MCM10: variants seen among roughly 807,000 people sequenced by gnomAD.
The protein encoded by MCM10 is minichromosome maintenance 10 replication initiation factor.
In MCM10, 91 loss-of-function variants were observed where a neutral mutation model predicts 109.9. The observed-to-expected ratio is 0.83, with a 90% CI of 0.70 to 0.99. MCM10 has a LOEUF of 0.99. Ranked by LOEUF, MCM10 falls within the 50% of genes least tolerant of loss-of-function variation. The pLI, the probability that MCM10 is intolerant of heterozygous loss-of-function variation, is 0.00. For synonymous variants in MCM10, 380 were observed against 387.2 expected, an observed-to-expected ratio of 0.98 and a Z score of 0.22; for missense variants, 1,077 against 1,061.2, an observed-to-expected ratio of 1.01 and a Z score of -0.21.
Position 13,192,296 on chromosome 10 carries a change from G to A in MCM10, c.1558G>A (p.Glu520Lys), listed in dbSNP as rs753755291. 1.2e-6 allele frequency: 2 copies of A among 1,614,140 alleles called. No homozygotes were observed. Among genetic ancestry groups the A allele is most frequent in the South Asian group, 2.2e-5 (2 of 91,076 alleles). ...CCTGTCTTGCTCTGAGGAGTTCAAGGAACTGATGGACCTGCCGACGTGTGG... is the reference window on the plus strand; with the variant it reads ...CCTGTCTTGCTCTGAGGAGTTCAAGAAACTGATGGACCTGCCGACGTGTGG... Reference protein sequence around the residue: ...KSLSCSEEFKELMDLPTCGAR... With the variant: ...KSLSCSEEFKKLMDLPTCGAR... Residue 520 changes from glutamate to lysine, a missense_variant, in exon 12 of 20, where the codon GAA becomes AAA. Physicochemically the swap from Glu to Lys is moderately conservative, Grantham distance 56. Coordinates refer to ENST00000378714, the MANE Select transcript of MCM10 (RefSeq NM_018518.5).
At chr10:13,171,975 A>G (rs1834080016) in intron 3 of MCM10, among the ~76,000 whole-genome samples, 1 of 151,660 alleles carries the variant, frequency 6.6e-6, no homozygotes, top group South Asian at 2.1e-4. Flanking sequence ...GGATCTCCCT[A>G]TGTTGCCCAT....
At chr10:13,203,821 C>T (rs757627835) in intron 17 of MCM10, among the ~76,000 whole-genome samples, 5 of 152,078 alleles carry the variant, frequency 3.3e-5, no homozygotes, top group Non-Finnish European at 7.4e-5. Context: ...GCTGATCAGT[C>T]TAAATAGATC....
At chr10:13,186,383 C>A in intron 9 of MCM10, 103 bp downstream of exon 9, 1 of 720,304 alleles carries the variant, frequency 1.4e-6, no homozygotes. Context: ...ACTGAGTTTC[C>A]CACTTAAAGG....
chr10:13,204,998 GTATGTATATATATATATATATATATATA>G lies in MCM10; in HGVS notation c.2498+638_2498+665del, dbSNP rs1219051865. 2.6e-3 allele frequency among the ~76,000 whole-genome samples: 50 copies of G among 19,556 alleles called. 5 individuals are homozygous for G. Among genetic ancestry groups the G allele is most frequent in the East Asian group, 8.8e-3 (2 of 226 alleles). 12.8% of individuals were successfully genotyped at this position (19,556 alleles called of 152,430 possible). On this transcript the variant is annotated intron_variant, in intron 18 of 19. Coordinates refer to ENST00000378714, the MANE Select transcript of MCM10 (RefSeq NM_018518.5). ...TTGTGCTTCTCATGTATGTATGTAT[GTATGTATATATATATATATATATATATA>G]TATATATATATATATATATATATAT...
In MCM10 at chr10:13,188,792, C is replaced by T. The variant is rs141652890; in HGVS notation, c.1216-89C>T. On this transcript the variant is annotated intron_variant, in intron 9 of 19. Transcript: ENST00000378714. ...GGAGGACTCTGCATGCGTCATGTTC[C>T]GGGAAGTGGGGAGAAGGAACTGTGT... is the stretch of plus-strand genomic sequence containing the variant. 1.1e-3 allele frequency: 1,310 copies of T among 1,143,580 alleles called. 15 individuals carry two copies. Among genetic ancestry groups the T allele is most frequent in the East Asian group, 0.011 (458 of 42,628 alleles). The allele number at this position is 1,143,580 out of a possible 1,614,324, so 70.8% of individuals were successfully genotyped here. A position where few individuals can be genotyped will look rare whatever the true frequency, so the allele number is the denominator to read the frequency against.
intron 2 of MCM10, among the ~76,000 whole-genome samples, chr10:13,168,010 C>T (rs1183084760): frequency 6.6e-6 from 1 of 152,236 alleles, no homozygotes; most frequent in African/African-American, 2.4e-5. Flanking sequence ...CTGAGGTAAA[C>T]GGGGTTGTGA....
At chr10:13,184,339 TTA>T (rs1160761079) in intron 8 of MCM10, among the ~76,000 whole-genome samples, 1 of 152,122 alleles carries the variant, frequency 6.6e-6, no homozygotes, top group Non-Finnish European at 1.5e-5. Context: ...AAGCAGTGTT[TTA>T]TAGTTGAGGG....
chr10:13,168,203 T>A (rs1245885563), intron 2 of MCM10, among the ~76,000 whole-genome samples: 1 of 152,228 alleles, frequency 6.6e-6, no homozygotes. Flanking sequence ...CTTGCAGGCA[T>A]GTGACATTCT....
At chr10:13,167,586 G>A (rs563195496) in intron 2 of MCM10, among the ~76,000 whole-genome samples, 4 of 87,732 alleles carry the variant, frequency 4.6e-5, no homozygotes, top group Non-Finnish European at 9.9e-5. Context: ...GGGGAGGACC[G>A]GGGGGGGCAT....
chr10:13,178,515 A>G (rs1002611925), intron 6 of MCM10, among the ~76,000 whole-genome samples: 4 of 152,146 alleles, frequency 2.6e-5, no homozygotes, highest in African/African-American at 9.7e-5. Flanking sequence ...TCCCCAATGT[A>G]TGTTCTTTGC....
rs532717696 is a variant in MCM10 at position 13,172,081 on chromosome 10, A to G, written c.350-295A>G. Among the ~76,000 whole-genome samples, 1 of 151,936 alleles carries G rather than the reference A, an allele frequency of 6.6e-6. No homozygotes were observed. Among genetic ancestry groups the G allele is most frequent in the Non-Finnish European group, 1.5e-5 (1 of 67,984 alleles). ...GAGCCACCATGCCTGGCCTATAATT[A>G]TTTCTCAACTCCTAAAAACTTGTTA... On this transcript the variant is annotated intron_variant, in intron 3 of 19. Coordinates refer to ENST00000378714, the MANE Select transcript of MCM10 (RefSeq NM_018518.5). The surrounding 1 kb of genome is among the most constrained non-coding windows in gnomAD (Gnocchi z 5.2).
At position 13,205,924 on chromosome 10, in the gene MCM10, C is replaced by T. The variant is rs565737118; in HGVS notation, c.2498+1560C>T. 5.3e-5 allele frequency among the ~76,000 whole-genome samples: 8 copies of T among 152,276 alleles called. No individual in the cohort carries two copies. In the South Asian group the frequency reaches 6.2e-4, roughly 12 times the overall value. ...CAAGGAACATCCTTCACATAGAATA[C>T]GACGATGGCACCTCTGGAGCTGGGT... On this transcript the variant is annotated intron_variant, in intron 18 of 19. Coordinates refer to ENST00000378714, the MANE Select transcript of MCM10 (RefSeq NM_018518.5).
rs1272284366 is a variant in MCM10 at position 13,204,998 on chromosome 10, GTATGTATATATATATATATATATATA to G, written c.2498+638_2498+663del. ...TTGTGCTTCTCATGTATGTATGTAT[GTATGTATATATATATATATATATATA>G]TATATATATATATATATATATATAT... On this transcript the variant is annotated intron_variant, in intron 18 of 19. Transcript: ENST00000378714. Among the ~76,000 whole-genome samples the G allele has an allele frequency of 3.1e-3, 61 of 19,558 alleles. 2 individuals are homozygous for G. The highest frequency in any genetic ancestry group is 0.022 in the East Asian group (5 of 226). 12.8% of individuals were successfully genotyped at this position (19,558 alleles called of 152,430 possible).
At position 13,195,064 on chromosome 10, in the gene MCM10, T is replaced by C. The variant is rs758031310; in HGVS notation, c.1769T>C (p.Val590Ala). The C allele has an allele frequency of 1.1e-5, 17 of 1,613,840 alleles. No individual in the cohort carries two copies. Among genetic ancestry groups the C allele is most frequent in the Non-Finnish European group, 1.4e-5 (17 of 1,179,908 alleles). Residue 590 changes from valine to alanine, a missense_variant, in exon 14 of 20, where the codon GTT becomes GCT. Transcript: ENST00000378714. ...QKRFLQSSSE[V>A]ESPAVPSSSR... ...AGATTTCTGCAGAGCTCAAGTGAAG[T>C]TGAGAGCCCAGCTGTGCCATCTTCA...
chr10:13,166,677 T>TG (rs1329567198), intron 2 of MCM10, among the ~76,000 whole-genome samples: 8 of 129,956 alleles, frequency 6.2e-5, no homozygotes, highest in African/African-American at 2.3e-4. Flanking sequence ...TATATATATA[T>TG]ATATATATAT....
chr10:13,170,883 C>A, intron 2 of MCM10, 39 bp from the exon 3 acceptor site: 2 of 1,557,608 alleles, frequency 1.3e-6, no homozygotes, highest in Non-Finnish European at 1.8e-6. Context: ...TTGGAATTAG[C>A]CGTGCTTATT....
intron 1 of MCM10, among the ~76,000 whole-genome samples, chr10:13,162,832 C>T (rs762219848): frequency 6.6e-6 from 1 of 152,178 alleles, no homozygotes; most frequent in African/African-American, 2.4e-5. Flanking sequence ...GTAATCCCAG[C>T]GCTTTGGGAG....
At chr10:13,170,386 A>G (rs1459500938) in intron 2 of MCM10, among the ~76,000 whole-genome samples, 1 of 152,024 alleles carries the variant, frequency 6.6e-6, no homozygotes, top group Non-Finnish European at 1.5e-5. Flanking sequence ...TAAATCTCAA[A>G]TAATTTGAAG....
At chr10:13,184,641 T>G (rs1834251340) in intron 8 of MCM10, among the ~76,000 whole-genome samples, 1 of 152,234 alleles carries the variant, frequency 6.6e-6, no homozygotes, top group Non-Finnish European at 1.5e-5. Context: ...GGAATGTGTT[T>G]GGCTGCAAGT....
Sources: gnomAD v4.1 joint callset for allele counts (sites outside exome capture counted in the v4.1 genomes callset) on GRCh38, gnomAD v4.1.1 for gene constraint, Gnocchi (gnomAD v3.1) non-coding constraint, MANE v1.5 for transcripts, NCBI Gene and HGNC (gene_info 2026-07-23, HGNC 2026-07-21) for gene names.